Variants in CLTCL1 observed in about 807,000 individuals in gnomAD.
CLTCL1 encodes the protein clathrin heavy chain like 1.
A neutral mutation model predicts 190.0 loss-of-function variants in CLTCL1; 159 were observed. That is an observed-to-expected ratio of 0.84 (90% CI 0.74 to 0.95). The LOEUF is 0.95. CLTCL1 is among the 40% of genes least tolerant of loss of function. The pLI, the probability that CLTCL1 is intolerant of heterozygous loss-of-function variation, is 0.00. For missense variants in CLTCL1, 1,878 were observed against 2,033.4 expected (o/e 0.92, Z 1.47); for synonymous variants, 752 against 769.6 (o/e 0.98, Z 0.38).
In CLTCL1 at chr22:19,223,946, C is replaced by G. The variant is rs782176270; in HGVS notation, c.2237G>C (p.Arg746Thr). The change falls in exon 14 of 33, where the codon AGG (arginine) becomes ACG (threonine). Residue 746 changes from arginine (R) to threonine (T), a missense_variant. Coordinates refer to ENST00000427926, the MANE Select transcript of CLTCL1 (RefSeq NM_007098.4). Reference sequence around the variant, plus strand: ...GTAGCAGCTGCTCTCTCGGCATATCCTCTCCACCTCCTTGATCTGCCCTGT... The same window carrying G: ...GTAGCAGCTGCTCTCTCGGCATATCGTCTCCACCTCCTTGATCTGCCCTGT... ...CKTGQIKEVE[R>T]ICRESSCYNP... 4 of 1,613,976 alleles carry G rather than the reference C, an allele frequency of 2.5e-6. No homozygotes were observed. The highest frequency in any genetic ancestry group is 3.4e-6 in the Non-Finnish European group (4 of 1,179,888).
intron 6 of CLTCL1, 64 bp downstream of exon 6, chr22:19,235,632 A>G (rs3747057): frequency 2.5e-5 from 37 of 1,491,474 alleles, no homozygotes; most frequent in Non-Finnish European, 3.3e-5. Flanking sequence ...GAGAAGGGGG[A>G]AAGTTTAAAC....
At chr22:19,222,663 A>G in intron 15 of CLTCL1, 21 bp downstream of exon 15, 8 of 1,582,352 alleles carry the variant, frequency 5.1e-6, no homozygotes, top group Non-Finnish European at 6.0e-6. Context: ...GCCGGGTGTC[A>G]CTCCAGGGAG....
intron 26 of CLTCL1, among the ~76,000 whole-genome samples, chr22:19,192,160 G>A (rs1555932645): frequency 6.6e-6 from 1 of 151,258 alleles, no homozygotes; most frequent in African/African-American, 2.4e-5. Context: ...CTGCCTCCTG[G>A]GTTCATGCCA....
chr22:19,232,332 C>T (rs1036828031), intron 10 of CLTCL1, 144 bp downstream of exon 10: 5 of 1,083,506 alleles, frequency 4.6e-6, no homozygotes, highest in Non-Finnish European at 5.3e-6. Flanking sequence ...ACAAACTCCC[C>T]AAGTACACTA....
chr22:19,257,637 G>A, intron 2 of CLTCL1: 1 of 437,994 alleles, frequency 2.3e-6, no homozygotes. Flanking sequence ...CTATGCAGAT[G>A]TAAGGGATTT....
chr22:19,286,657 A>C, intron 1 of CLTCL1, among the ~76,000 whole-genome samples: 1 of 138,842 alleles, frequency 7.2e-6, no homozygotes, highest in Non-Finnish European at 1.6e-5. Context: ...GTTCAAGCTC[A>C]ATCTACACCT....
rs148199924 is a variant in CLTCL1, at chr22:19,246,348, C to T, written c.520-3412G>A. 2.6e-3 allele frequency among the ~76,000 whole-genome samples: 390 copies of T among 152,286 alleles called. 1 individual carries two copies. The highest frequency in any genetic ancestry group is 3.4e-3 in the Non-Finnish European group (232 of 68,022). On this transcript the variant is annotated intron_variant, in intron 3 of 32. Coordinates refer to ENST00000427926, the MANE Select transcript of CLTCL1 (RefSeq NM_007098.4). ...GTGCTGGGATTACAGGTGTGAGCCA[C>T]CACGCCTGGCCTTATGTTTAACTTT...
intron 16 of CLTCL1, 140 bp from the exon 17 acceptor site, chr22:19,221,751 G>A (rs1330930729): frequency 4.2e-5 from 41 of 977,598 alleles, no homozygotes; most frequent in Non-Finnish European, 5.9e-5. Context: ...GGACCAAGAT[G>A]GACCTGGTTT....
chr22:19,270,304 G>A (rs1291006542), intron 2 of CLTCL1, among the ~76,000 whole-genome samples: 3 of 152,046 alleles, frequency 2.0e-5, no homozygotes, highest in Non-Finnish European at 4.4e-5. Flanking sequence ...TTGCTGCCTC[G>A]GGCCGGGAGT....
Position 19,221,521 on chromosome 22 carries a change from G to C in CLTCL1, c.2652C>G (p.Ile884Met), listed in dbSNP as rs747348354. 6.2e-7 allele frequency: 1 copy of C among 1,605,106 alleles called. No homozygotes were observed. Among genetic ancestry groups the C allele is most frequent in the East Asian group, 2.2e-5 (1 of 44,634 alleles). The change falls in exon 17 of 33, where the codon ATC becomes ATG. Residue 884 changes from isoleucine to methionine, a missense_variant. Ile to Met is a conservative substitution (Grantham distance 10, BLOSUM62 1). Coordinates refer to ENST00000427926, the MANE Select transcript of CLTCL1 (RefSeq NM_007098.4). Reference sequence around the variant, plus strand: ...AGCACTCGGGGCTGTTGTTGCTGTCGATGTAGATTTTAGCCAGTGCATTGT... The same window carrying C: ...AGCACTCGGGGCTGTTGTTGCTGTCCATGTAGATTTTAGCCAGTGCATTGT... ...ATHNALAKIY[I>M]DSNNSPECFL...
At chr22:19,189,612 C>T (rs956993802) in intron 27 of CLTCL1, among the ~76,000 whole-genome samples, 1 of 152,246 alleles carries the variant, frequency 6.6e-6, no homozygotes, top group Non-Finnish European at 1.5e-5. Context: ...ACTTCTAATT[C>T]TAGTTCTCCT....
intron 1 of CLTCL1, among the ~76,000 whole-genome samples, chr22:19,281,294 CAAAAA>C (rs361827): frequency 3.4e-5 from 4 of 116,466 alleles, no homozygotes; most frequent in Non-Finnish European, 7.2e-5. Flanking sequence ...GACCCTGTCT[CAAAAA>C]AAAAAAAAAA....
At chr22:19,212,397 C>CAAA (rs548435992) in intron 19 of CLTCL1, among the ~76,000 whole-genome samples, 3 of 102,316 alleles carry the variant, frequency 2.9e-5, no homozygotes, top group Admixed American at 2.0e-4. Context: ...CTGTCTCTAC[C>CAAA]AAAAAAAAAA....
At chr22:19,285,023 C>T (rs920318805) in intron 1 of CLTCL1, among the ~76,000 whole-genome samples, 7 of 151,972 alleles carry the variant, frequency 4.6e-5, no homozygotes, top group East Asian at 1.9e-4. Flanking sequence ...CGCCTGTAAT[C>T]CCAGCACTTT....
chr22:19,182,965 C>T, intron 30 of CLTCL1: 1 of 239,838 alleles, frequency 4.2e-6, no homozygotes. Context: ...ACTATGTGTT[C>T]AGCAAAAGGC....
intron 1 of CLTCL1, among the ~76,000 whole-genome samples, chr22:19,290,361 A>C (rs2088064758): frequency 1.3e-5 from 2 of 152,212 alleles, no homozygotes; most frequent in African/African-American, 4.8e-5. Context: ...GATTAAATTA[A>C]ACCAGATTTA....
chr22:19,279,379 T>A (rs1384112685), intron 1 of CLTCL1, among the ~76,000 whole-genome samples: 1 of 151,100 alleles, frequency 6.6e-6, no homozygotes, highest in Non-Finnish European at 1.5e-5. Context: ...TCAAGTAATT[T>A]GCCTGCCTTG....
rs2084311278 is a variant in CLTCL1 at position 19,186,257 on chromosome 22, C to G, written c.4605+1301G>C. Among the ~76,000 whole-genome samples the G allele has an allele frequency of 2.6e-5, 4 of 152,156 alleles. No individual in the cohort carries two copies. In the South Asian group the frequency reaches 8.3e-4, roughly 31 times the overall value. On this transcript the variant is annotated intron_variant, in intron 29 of 32. Coordinates refer to ENST00000427926, the MANE Select transcript of CLTCL1 (RefSeq NM_007098.4). ...TCAGGTCAAGTCCAGAGTCTTTGGGCACAAGGAGCCCTTGGGAATTGGCTC... is the reference window on the plus strand; with the variant it reads ...TCAGGTCAAGTCCAGAGTCTTTGGGGACAAGGAGCCCTTGGGAATTGGCTC...
intron 22 of CLTCL1, among the ~76,000 whole-genome samples, chr22:19,207,321 A>T (rs2085082088): frequency 6.6e-6 from 1 of 152,150 alleles, no homozygotes; most frequent in Non-Finnish European, 1.5e-5. Context: ...CCAGCCTATT[A>T]ATTTTCAATA....
Sources: allele counts gnomAD v4.1 joint callset (sites outside exome capture counted in the v4.1 genomes callset), GRCh38; gene constraint gnomAD v4.1.1; transcripts MANE v1.5; gene names NCBI Gene and HGNC (gene_info 2026-07-23, HGNC 2026-07-21).